The following OTX1 variants were observed in gnomAD, a reference collection of about 807,000 sequenced individuals.
OTX1 encodes homeobox protein OTX1.
In OTX1, 7 loss-of-function variants were observed where a neutral mutation model predicts 26.7. The observed-to-expected ratio is 0.26, with a 90% CI of 0.15 to 0.49. OTX1 has a LOEUF of 0.49. Ranked by LOEUF, OTX1 falls within the 20% of genes least tolerant of loss-of-function variation. The pLI is 0.98. For synonymous variants in OTX1, 216 were observed against 212.8 expected (o/e 1.01, Z -0.13); for missense variants, 414 against 483.8 (o/e 0.86, Z 1.35).
At chr2:63,050,575 C>T (rs962379050), upstream of OTX1, among the ~76,000 whole-genome samples, 1 of 151,978 alleles carries the variant, frequency 6.6e-6, no homozygotes, top group African/African-American at 2.4e-5. Context: ...TCTCCGCTCG[C>T]CTTCCTCGCC....
intron 4 of OTX1, 148 bp downstream of exon 4, chr2:63,054,346 G>T: frequency 1.3e-6 from 1 of 761,666 alleles, no homozygotes; most frequent in Non-Finnish European, 1.9e-6. Context: ...TCCCCCTAGC[G>T]CTGGGCCCCA....
intron 3 of OTX1, 182 bp downstream of exon 3, chr2:63,053,269 T>C (rs2153387903): frequency 2.0e-6 from 1 of 489,134 alleles, no homozygotes; most frequent in South Asian, 3.5e-5. Flanking sequence ...CGTGGGCGTG[T>C]GAGGTGGCCA....
chr2:63,052,977 A>C lies in OTX1; in HGVS notation c.-14A>C. On this transcript the variant is annotated 5_prime_UTR_variant, in exon 3 of 5. Coordinates refer to ENST00000282549, the MANE Select transcript of OTX1 (RefSeq NM_014562.4). ...CCCCTGGATCCGTCGGGGCGCCTCC[A>C]CCCAGCTGTTAGCATGATGTCTTAC... 1 of 1,601,202 alleles carries C rather than the reference A, an allele frequency of 6.2e-7. No individual in the cohort carries two copies. The highest frequency in any genetic ancestry group is 8.5e-7 in the Non-Finnish European group (1 of 1,171,138).
intron 2 of OTX1, chr2:63,051,939 G>T: frequency 6.6e-6 from 1 of 152,514 alleles, no homozygotes; most frequent in Non-Finnish European, 1.5e-5. Context: ...GGGCTACGCC[G>T]CTGAGGCCTA....
At chr2:63,051,701 G>C (rs1300418950) in intron 2 of OTX1, 1 of 152,628 alleles carries the variant, frequency 6.6e-6, no homozygotes, top group Non-Finnish European at 1.5e-5. Context: ...GAAGACGGGG[G>C]CGGGAACGGG....
Position 63,055,608 on chromosome 2 carries a change from G to A in OTX1, c.357G>A (p.Ser119=), listed in dbSNP as rs373004027. 10 of 1,614,016 alleles carry A rather than the reference G, an allele frequency of 6.2e-6. No homozygotes were observed. The highest frequency in any genetic ancestry group is 5.3e-5 in the African/African-American group (4 of 74,930). The part of the protein sequence containing the change: ...KKKSSPVRES[S]GSESSGQFTP... ...AGTCCTCTCCAGTGCGGGAGAGCTC[G>A]GGCTCCGAAAGCAGTGGCCAATTCA... is the stretch of plus-strand genomic sequence containing the variant. Residue 119 remains serine (S), a synonymous_variant, in exon 5 of 5, where the codon TCG becomes TCA. Coordinates refer to ENST00000282549, the MANE Select transcript of OTX1 (RefSeq NM_014562.4). This position sits in a 1 kb window ranked among gnomAD's most constrained non-coding sequence, Gnocchi z 5.2.
Position 63,055,705 on chromosome 2 carries a change from G to T in OTX1, c.454G>T (p.Ala152Ser). The T allele has an allele frequency of 6.2e-7, 1 of 1,613,418 alleles. No homozygotes were observed. Among genetic ancestry groups the T allele is most frequent in the East Asian group, 2.2e-5 (1 of 44,868 alleles). ...CAGCTCTTCCGCCAACCCAGCGGCT[G>T]CAGCGGCTGCGGGACTAGGTGGGAA... Reference protein sequence around the residue: ...ASSSSANPAAAAAAGLGGNPV... With the variant: ...ASSSSANPAASAAAGLGGNPV... Residue 152 changes from alanine (A) to serine (S), a missense_variant, in exon 5 of 5, where the codon GCA becomes TCA. Ala to Ser is a moderately conservative substitution (Grantham distance 99, BLOSUM62 1). Transcript: ENST00000282549. This position sits in a 1 kb window ranked among gnomAD's most constrained non-coding sequence, Gnocchi z 5.2.
In OTX1 at chr2:63,055,899, C is replaced by G. The variant is rs2153388280; in HGVS notation, c.648C>G (p.Thr216=). 6.2e-7 allele frequency: 1 copy of G among 1,612,354 alleles called. No homozygotes were observed. Among genetic ancestry groups the G allele is most frequent in the Non-Finnish European group, 8.5e-7 (1 of 1,179,946 alleles). ...MQRSVAAGAA[T]AAASYPMSYG... Reference sequence around the variant, plus strand: ...GCTCCGTAGCTGCAGGCGCCGCCACCGCAGCAGCCTCTTATCCCATGTCCT... The same window carrying G: ...GCTCCGTAGCTGCAGGCGCCGCCACGGCAGCAGCCTCTTATCCCATGTCCT... The change falls in exon 5 of 5, where the codon ACC becomes ACG. Residue 216 remains threonine (T), a synonymous_variant. Coordinates refer to ENST00000282549, the MANE Select transcript of OTX1 (RefSeq NM_014562.4). This position sits in a 1 kb window ranked among gnomAD's most constrained non-coding sequence, Gnocchi z 5.2.
chr2:63,053,861 G>A, intron 3 of OTX1, 186 bp from the exon 4 acceptor site: 1 of 610,230 alleles, frequency 1.6e-6, no homozygotes, highest in Non-Finnish European at 2.9e-6. Context: ...GCTTCTAGTC[G>A]CACATCTGCA....
upstream of OTX1, among the ~76,000 whole-genome samples, chr2:63,050,570 G>A (rs544150568): frequency 4.0e-4 from 61 of 152,084 alleles, no homozygotes; most frequent in East Asian, 8.4e-3. Context: ...CGGGCTCTCC[G>A]CTCGCCTTCC....
In OTX1 at chr2:63,053,051, G is replaced by T; in HGVS notation, c.61G>T (p.Ala21Ser). 6.2e-7 allele frequency: 1 copy of T among 1,602,970 alleles called. No homozygotes were observed. Reference sequence around the variant, plus strand: ...GAACGGGCTGGGCCTGGCCGGGCCCGCCATGGACCTCCTGCACCCATCCGT... The same window carrying T: ...GAACGGGCTGGGCCTGGCCGGGCCCTCCATGGACCTCCTGCACCCATCCGT... ...GMNGLGLAGP[A>S]MDLLHPSVGY... The change falls in exon 3 of 5, where the codon GCC becomes TCC. Residue 21 changes from alanine (A) to serine (S), a missense_variant. By Grantham distance (99) the Ala-to-Ser change is moderately conservative. Around this residue, in one of 3 missense-constraint regions of OTX1, gnomAD observed 48 missense variants for 41.6 expected, o/e 1.15. Transcript: ENST00000282549.
Position 63,053,040 on chromosome 2 carries a change from T to G in OTX1, c.50T>G (p.Leu17Arg). The G allele has an allele frequency of 6.2e-7, 1 of 1,606,356 alleles. No individual in the cohort carries two copies. Among genetic ancestry groups the G allele is most frequent in the Non-Finnish European group, 8.5e-7 (1 of 1,177,062 alleles). The change falls in exon 3 of 5, where the codon CTG (leucine) becomes CGG (arginine). Residue 17 changes from leucine (L) to arginine (R), a missense_variant. Physicochemically the swap from Leu to Arg is moderately radical, Grantham distance 102 (BLOSUM62 -2). Around this residue, in one of 3 missense-constraint regions of OTX1, gnomAD observed 48 missense variants for 41.6 expected, o/e 1.15. Coordinates refer to ENST00000282549, the MANE Select transcript of OTX1 (RefSeq NM_014562.4). Reference sequence around the variant, plus strand: ...CCATACGGCATGAACGGGCTGGGCCTGGCCGGGCCCGCCATGGACCTCCTG... The same window carrying G: ...CCATACGGCATGAACGGGCTGGGCCGGGCCGGGCCCGCCATGGACCTCCTG... ...QPPYGMNGLG[L>R]AGPAMDLLHP...
chr2:63,050,489 C>G (rs971846540), upstream of OTX1, among the ~76,000 whole-genome samples: 1 of 152,190 alleles, frequency 6.6e-6, no homozygotes, highest in Non-Finnish European at 1.5e-5. Flanking sequence ...TCCGGAGCGC[C>G]GAGAGCGCGA....
At position 63,054,131 on chromosome 2, in the gene OTX1, G is replaced by A. The variant is rs1028707837; in HGVS notation, c.182G>A (p.Arg61His). ...DVLEALFAKT[R>H]YPDIFMREEV... is the part of the protein sequence containing the mutation. ...CTCGAGGCGCTCTTCGCCAAGACTC[G>A]CTACCCTGACATCTTCATGCGGGAG... Residue 61 changes from arginine to histidine, a missense_variant, in exon 4 of 5, where the codon CGC becomes CAC. By Grantham distance (29) the Arg-to-His change is conservative. Around this residue, in one of 3 missense-constraint regions of OTX1, gnomAD observed 46 missense variants for 94.3 expected, o/e 0.49. Transcript: ENST00000282549. 1 of 1,612,466 alleles carries A rather than the reference G, an allele frequency of 6.2e-7. No individual in the cohort carries two copies. Among genetic ancestry groups the A allele is most frequent in the Non-Finnish European group, 8.5e-7 (1 of 1,179,310 alleles).
chr2:63,056,457 T>C lies in OTX1; in HGVS notation c.*141T>C, dbSNP rs1042634067. On this transcript the variant is annotated 3_prime_UTR_variant, in exon 5 of 5. Transcript: ENST00000282549. ...ACCCCCCAAAAAGATGTCCATTGCCTGCACTGCCGCCCCCATTTTTGTGCC... is the reference window on the plus strand; with the variant it reads ...ACCCCCCAAAAAGATGTCCATTGCCCGCACTGCCGCCCCCATTTTTGTGCC... 2 of 757,960 alleles carry C rather than the reference T, an allele frequency of 2.6e-6. No homozygotes were observed. The highest frequency in any genetic ancestry group is 3.6e-4 in the Middle Eastern group (1 of 2,742). The allele number at this position is 757,960 out of a possible 1,614,324, so 47.0% of individuals were successfully genotyped here. A position where few individuals can be genotyped will look rare whatever the true frequency, so the allele number is the denominator to read the frequency against.
At chr2:63,050,657 A>AGGGCGGGGT (rs2062018642), upstream of OTX1, 1 of 33,164 alleles carries the variant, frequency 3.0e-5, no homozygotes, top group South Asian at 1.1e-3. Context: ...GAGGGCGGGG[A>AGGGCGGGGT]GGGCGGGGTG....
rs1360443359 is a variant in OTX1 at position 63,055,846 on chromosome 2, G to A, written c.595G>A (p.Ala199Thr). 2 of 1,612,154 alleles carry A rather than the reference G, an allele frequency of 1.2e-6. No individual in the cohort carries two copies. Among genetic ancestry groups the A allele is most frequent in the Middle Eastern group, 1.7e-4 (1 of 6,060 alleles). The stretch of plus-strand genomic sequence containing the variant: ...CGTGTCGGTGCCGGAGCCATTGGCC[G>A]CGCCTAGCAACACCTCGTGTATGCA... ...ASVSVPEPLAAPSNTSCMQRS... is the reference protein window; with the variant it reads ...ASVSVPEPLATPSNTSCMQRS... The change falls in exon 5 of 5, where the codon GCG becomes ACG. Residue 199 changes from alanine (A) to threonine (T), a missense_variant. By Grantham distance (58) the Ala-to-Thr change is moderately conservative. Coordinates refer to ENST00000282549, the MANE Select transcript of OTX1 (RefSeq NM_014562.4). This position sits in a 1 kb window ranked among gnomAD's most constrained non-coding sequence, Gnocchi z 5.2.
Position 63,056,390 on chromosome 2 carries a change from C to A in OTX1, c.*74C>A. 2 of 1,319,754 alleles carry A rather than the reference C, an allele frequency of 1.5e-6. No individual in the cohort carries two copies. The highest frequency in any genetic ancestry group is 2.3e-5 in the East Asian group (1 of 43,112). 81.8% of individuals were successfully genotyped at this position (1,319,754 alleles called of 1,614,324 possible). ...GGTCCCGATCCTGTTGCTGCTGCTGCACCGCCCGCCTTTGCCTCGTCTTCT... is the reference window on the plus strand; with the variant it reads ...GGTCCCGATCCTGTTGCTGCTGCTGAACCGCCCGCCTTTGCCTCGTCTTCT... On this transcript the variant is annotated 3_prime_UTR_variant, in exon 5 of 5. Transcript: ENST00000282549.
At position 63,056,319 on chromosome 2, in the gene OTX1, C is replaced by A; in HGVS notation, c.*3C>A. On this transcript the variant is annotated 3_prime_UTR_variant, in exon 5 of 5. Transcript: ENST00000282549. ...CATGGCGGTTCCAGGTCTTGTGAGC[C>A]CAGGAATGAAAGAGGAGAAGAAACG... 1 of 1,604,586 alleles carries A rather than the reference C, an allele frequency of 6.2e-7. No individual in the cohort carries two copies. The highest frequency in any genetic ancestry group is 8.5e-7 in the Non-Finnish European group (1 of 1,173,504).
Sources: allele counts gnomAD v4.1 joint callset (sites outside exome capture counted in the v4.1 genomes callset), GRCh38; gene constraint gnomAD v4.1.1; regional missense constraint gnomAD v4.1.1; non-coding constraint Gnocchi (gnomAD v3.1); transcripts MANE v1.5; gene names NCBI Gene and HGNC (gene_info 2026-07-23, HGNC 2026-07-21).